The following ERBB4 variants were observed in gnomAD, a reference collection of about 807,000 sequenced individuals.
ERBB4 encodes the protein erb-b2 receptor tyrosine kinase 4.
Under a neutral mutation model 158.0 loss-of-function variants are expected in ERBB4, and 42 were observed. The ratio of observed to expected loss-of-function variants is 0.27; its 90% CI spans 0.21 to 0.34. The LOEUF (loss-of-function observed/expected upper bound fraction) is 0.34, where lower values mean the gene tolerates loss of function less well. Ranked by LOEUF, ERBB4 falls within the 10% of genes least tolerant of loss-of-function variation. The pLI is 1.00. For synonymous variants in ERBB4, 583 were observed against 558.7 expected, an observed-to-expected ratio of 1.04 and a Z score of -0.61; for missense variants, 1,333 against 1,624.1, an observed-to-expected ratio of 0.82 and a Z score of 3.08.
intron 1 of ERBB4, among the ~76,000 whole-genome samples, chr2:212,374,337 T>C (rs73056514): frequency 0.026 from 3,894 of 151,578 alleles, 184 homozygotes; most frequent in African/African-American, 0.088. Context: ...AAAATAAATA[T>C]AGGAATAATA....
chr2:211,763,788 A>T (rs2075476146), intron 4 of ERBB4, among the ~76,000 whole-genome samples: 1 of 152,052 alleles, frequency 6.6e-6, no homozygotes, highest in Admixed American at 6.6e-5. Flanking sequence ...ACAATATTAA[A>T]CAAAGTCTTC....
At chr2:212,082,303 T>C (rs10210742) in intron 2 of ERBB4, among the ~76,000 whole-genome samples, 80,541 of 151,930 alleles carry the variant, frequency 0.53, 24,249 homozygotes, top group East Asian at 0.93. Context: ...CTTTAAAATA[T>C]ATTGTGTTTA....
chr2:211,932,423 A>G (rs1458640201), intron 3 of ERBB4, among the ~76,000 whole-genome samples: 2 of 152,164 alleles, frequency 1.3e-5, no homozygotes, highest in East Asian at 3.9e-4. Context: ...AAAAAATTAT[A>G]TACATTTATG....
At chr2:211,577,489 C>T (rs1374444077) in intron 19 of ERBB4, among the ~76,000 whole-genome samples, 1 of 152,004 alleles carries the variant, frequency 6.6e-6, no homozygotes, top group Non-Finnish European at 1.5e-5. Context: ...GACACCAAAA[C>T]CTGGCAGAGA....
At chr2:212,316,860 C>T (rs1200353431) in intron 1 of ERBB4, among the ~76,000 whole-genome samples, 1 of 151,486 alleles carries the variant, frequency 6.6e-6, no homozygotes, top group Admixed American at 6.6e-5. Context: ...TTCAATAAAA[C>T]TGTTTTAAAA....
chr2:211,644,304 C>T (rs2070705817), intron 16 of ERBB4, among the ~76,000 whole-genome samples: 1 of 151,934 alleles, frequency 6.6e-6, no homozygotes, highest in African/African-American at 2.4e-5. Flanking sequence ...AATATAACTC[C>T]TTTCTAAACT....
chr2:211,945,438 T>C (rs564372886), intron 3 of ERBB4, among the ~76,000 whole-genome samples: 1 of 152,240 alleles, frequency 6.6e-6, no homozygotes, highest in East Asian at 1.9e-4. Context: ...ACCATTTTGT[T>C]GCACTTTCTT....
At chr2:211,790,771 A>T (rs941007021) in intron 3 of ERBB4, among the ~76,000 whole-genome samples, 10 of 151,910 alleles carry the variant, frequency 6.6e-5, no homozygotes, top group African/African-American at 2.4e-4. Context: ...TAGTTTATTT[A>T]TGTATTGTTT....
intron 20 of ERBB4, among the ~76,000 whole-genome samples, chr2:211,485,235 C>A (rs546950531): frequency 2.0e-4 from 31 of 152,140 alleles, no homozygotes; most frequent in African/African-American, 5.5e-4. Context: ...GTGAAATAGC[C>A]CAGAATCTAC....
At chr2:212,102,090 T>TTATATATATATATATATATATATATAGA (rs57567965) in intron 2 of ERBB4, among the ~76,000 whole-genome samples, 1 of 107,978 alleles carries the variant, frequency 9.3e-6, no homozygotes, top group Non-Finnish European at 2.1e-5. Flanking sequence ...AAAATTTATT[T>TTATATATATATATATATATATATATAGA]TATATATATA....
intron 2 of ERBB4, among the ~76,000 whole-genome samples, chr2:212,057,676 G>T (rs2077623511): frequency 6.6e-6 from 1 of 152,186 alleles, no homozygotes; most frequent in Non-Finnish European, 1.5e-5. Context: ...GCTCCTGAAT[G>T]ACTTCTGGGT....
intron 1 of ERBB4, among the ~76,000 whole-genome samples, chr2:212,235,076 C>T (rs1419477709): frequency 6.6e-6 from 1 of 152,124 alleles, no homozygotes; most frequent in Non-Finnish European, 1.5e-5. Context: ...ATGGTATTCA[C>T]TAGGTTTTCT....
At chr2:211,526,488 G>T (rs534950922) in intron 20 of ERBB4, among the ~76,000 whole-genome samples, 2 of 152,020 alleles carry the variant, frequency 1.3e-5, no homozygotes, top group Non-Finnish European at 2.9e-5. Context: ...GTGAATACCT[G>T]GAGAACCTTC....
intron 20 of ERBB4, among the ~76,000 whole-genome samples, chr2:211,559,093 A>AT (rs2067315726): frequency 6.6e-6 from 1 of 152,130 alleles, no homozygotes; most frequent in Non-Finnish European, 1.5e-5. Flanking sequence ...ACAAATGTTC[A>AT]TCCCCCATCC....
At chr2:211,795,123 T>C (rs368099461) in intron 3 of ERBB4, among the ~76,000 whole-genome samples, 3 of 151,838 alleles carry the variant, frequency 2.0e-5, no homozygotes, top group Non-Finnish European at 2.9e-5. Context: ...TCATAATATA[T>C]GCTATATTAT....
At chr2:212,452,409 A>C (rs1253974276) in intron 1 of ERBB4, among the ~76,000 whole-genome samples, 2 of 152,218 alleles carry the variant, frequency 1.3e-5, no homozygotes, top group Admixed American at 6.5e-5. Flanking sequence ...CAAATGTTTT[A>C]AACTACTACA....
chr2:211,907,652 T>C (rs928802629), intron 3 of ERBB4, among the ~76,000 whole-genome samples: 1 of 151,620 alleles, frequency 6.6e-6, no homozygotes, highest in African/African-American at 2.4e-5. Flanking sequence ...CTTCACTCTA[T>C]CACAGTCACA....
intron 1 of ERBB4, among the ~76,000 whole-genome samples, chr2:212,185,021 C>CT (rs1553584051): frequency 4.4e-4 from 58 of 132,462 alleles, no homozygotes; most frequent in South Asian, 1.6e-3. Context: ...ACTTTTTTTT[C>CT]TTTTTTTTTT....
rs2069540788 is a variant in ERBB4 at position 211,620,092 on chromosome 2, T to C, written c.2203-817A>G. 2.6e-5 allele frequency among the ~76,000 whole-genome samples: 4 copies of C among 152,146 alleles called. No homozygotes were observed. In the South Asian group the frequency reaches 8.3e-4, roughly 31 times the overall value. On this transcript the variant is annotated intron_variant, in intron 18 of 27. Transcript: ENST00000342788. ...TAGCATTTCTGGGTAAAGTGAATTATAGCATTTGAATGAGGACAATGATTT... is the reference window on the plus strand; with the variant it reads ...TAGCATTTCTGGGTAAAGTGAATTACAGCATTTGAATGAGGACAATGATTT...
Sources: gnomAD v4.1 joint callset for allele counts (sites outside exome capture counted in the v4.1 genomes callset) on GRCh38, gnomAD v4.1.1 for gene constraint, MANE v1.5 for transcripts, NCBI Gene and HGNC (gene_info 2026-07-23, HGNC 2026-07-21) for gene names.